The following SUMF1 variants were observed in gnomAD, a reference collection of about 807,000 sequenced individuals.
The protein encoded by SUMF1 is sulfatase modifying factor 1, also known as formylglycine-generating enzyme.
Under a neutral mutation model 47.6 loss-of-function variants are expected in SUMF1, and 48 were observed. That is an observed-to-expected ratio of 1.01 (90% CI 0.80 to 1.28). SUMF1 has a LOEUF of 1.28. Ranked by LOEUF, SUMF1 falls within the 50% of genes most tolerant of loss-of-function variation. The probability of loss-of-function intolerance (pLI) is 0.00; values close to 1 mark genes in which losing one functional copy is unlikely to be tolerated. For synonymous variants in SUMF1, 230 were observed against 192.1 expected (o/e 1.20, Z -1.63); for missense variants, 571 against 485.4 (o/e 1.18, Z -1.66).
chr3:4,310,611 T>C lies in SUMF1; in HGVS notation c.1014+65719A>G, dbSNP rs144870207. Among the ~76,000 whole-genome samples, 92 of 152,202 alleles carry C rather than the reference T, an allele frequency of 6.0e-4. 1 individual carries two copies. The highest frequency in any genetic ancestry group is 1.2e-3 in the Non-Finnish European group (81 of 68,024). ...CTACTGTCTATAAGTCCCTGAAGGA[T>C]TATAGCTTGTGCAGCAAGTTTAATT... On this transcript the variant is annotated intron_variant and NMD_transcript_variant, in intron 8 of 12. Coordinates refer to the SUMF1 transcript ENST00000448413.
At chr3:4,148,091 C>T (rs567106892) in intron 8 of SUMF1, among the ~76,000 whole-genome samples, 10 of 152,066 alleles carry the variant, frequency 6.6e-5, no homozygotes, top group Non-Finnish European at 8.8e-5. Context: ...TCAGCATTTC[C>T]GTACATAGGT....
intron 3 of SUMF1, among the ~76,000 whole-genome samples, chr3:4,434,853 C>A (rs1702345529): frequency 6.6e-6 from 1 of 152,092 alleles, no homozygotes; most frequent in South Asian, 2.1e-4. Flanking sequence ...CCCCAGAGAC[C>A]CGATACTGGA....
intron 8 of SUMF1, among the ~76,000 whole-genome samples, chr3:4,204,091 A>G (rs947683169): frequency 6.6e-6 from 1 of 151,978 alleles, no homozygotes; most frequent in African/African-American, 2.4e-5. Flanking sequence ...GTGCCTTCAG[A>G]TGATTTCTTA....
At chr3:4,316,028 C>CA (rs147924099) in intron 8 of SUMF1, among the ~76,000 whole-genome samples, 1,378 of 122,878 alleles carry the variant, frequency 0.011, 15 homozygotes, top group African/African-American at 0.04. Flanking sequence ...GCTTGGGTGA[C>CA]AGAGCGAGAC....
At chr3:4,403,403 T>C (rs1041100774) in intron 7 of SUMF1, among the ~76,000 whole-genome samples, 1 of 152,124 alleles carries the variant, frequency 6.6e-6, no homozygotes, top group African/African-American at 2.4e-5. Flanking sequence ...TGTGTATAAT[T>C]CTGGGTGTCC....
At chr3:4,215,131 C>T (rs1037155392) in intron 8 of SUMF1, among the ~76,000 whole-genome samples, 3 of 152,096 alleles carry the variant, frequency 2.0e-5, no homozygotes, top group East Asian at 1.9e-4. Context: ...TGACGAACAT[C>T]GATGCAAAAA....
chr3:4,410,965 G>A lies in SUMF1; in HGVS notation c.854C>T (p.Pro285Leu), dbSNP rs755003170. The change falls in exon 7 of 9, where the codon CCT becomes CTT. Residue 285 changes from proline to leucine, a missense_variant. Pro to Leu is a moderately conservative substitution (Grantham distance 98, BLOSUM62 -3). Transcript: ENST00000272902. ...GTTGTATAAGCCATAACCATTGGGA[G>A]GGAAGGCATCAACCTAAAAACAAAG... ...FQGTAPVDAF[P>L]PNGYGLYNIV... is the part of the protein sequence containing the mutation. 3.1e-6 allele frequency: 5 copies of A among 1,614,008 alleles called. No homozygotes were observed. The highest frequency in any genetic ancestry group is 4.2e-6 in the Non-Finnish European group (5 of 1,179,876).
intron 8 of SUMF1, among the ~76,000 whole-genome samples, chr3:4,264,970 C>T (rs1302524724): frequency 6.6e-6 from 1 of 151,884 alleles, no homozygotes; most frequent in Non-Finnish European, 1.5e-5. Context: ...CCTATCTCTA[C>T]TAAAAATACA....
chr3:4,123,489 A>G (rs1326429718), intron 8 of SUMF1, among the ~76,000 whole-genome samples: 1 of 152,142 alleles, frequency 6.6e-6, no homozygotes, highest in Non-Finnish European at 1.5e-5. Flanking sequence ...GAAGCAAGAC[A>G]TTTGCCCTAA....
chr3:4,279,818 C>T (rs1434200823), intron 8 of SUMF1, among the ~76,000 whole-genome samples: 1 of 152,082 alleles, frequency 6.6e-6, no homozygotes, highest in Non-Finnish European at 1.5e-5. Context: ...CTAAAATTAT[C>T]AACTTTAGGA....
At chr3:4,348,641 G>C (rs895813955) in intron 8 of SUMF1, among the ~76,000 whole-genome samples, 6 of 151,692 alleles carry the variant, frequency 4.0e-5, no homozygotes, top group African/African-American at 2.4e-5. Context: ...GAGGCGGGTT[G>C]ACCACCTGAG....
chr3:4,175,229 T>C (rs1274430835), intron 8 of SUMF1, among the ~76,000 whole-genome samples: 2 of 152,156 alleles, frequency 1.3e-5, no homozygotes, highest in African/African-American at 2.4e-5. Flanking sequence ...GACTGCCTCC[T>C]CAAGTGGGCC....
chr3:4,410,467 A>T (rs1215737344), intron 7 of SUMF1, among the ~76,000 whole-genome samples: 2 of 152,198 alleles, frequency 1.3e-5, no homozygotes, highest in East Asian at 3.8e-4. Context: ...CAAAATTTCA[A>T]CCCATCAGAA....
At chr3:4,122,137 T>C (rs1340466929) in intron 8 of SUMF1, among the ~76,000 whole-genome samples, 3 of 152,102 alleles carry the variant, frequency 2.0e-5, no homozygotes, top group Non-Finnish European at 4.4e-5. Context: ...TTAGGTTGAT[T>C]CCATGTCTTT....
At chr3:4,234,092 C>T (rs927068285) in intron 8 of SUMF1, among the ~76,000 whole-genome samples, 1 of 152,056 alleles carries the variant, frequency 6.6e-6, no homozygotes, top group South Asian at 2.1e-4. Context: ...ATGCACAATG[C>T]TAACAATTGT....
chr3:4,465,831 T>A lies in SUMF1; in HGVS notation c.270+1145A>T, dbSNP rs1297140082. On this transcript the variant is annotated intron_variant, in intron 1 of 8. Coordinates refer to ENST00000272902, the MANE Select transcript of SUMF1 (RefSeq NM_182760.4). ...TAATTGTTATGTCAGAATAAACACA[T>A]AACTACTGAGGCAGGATACGGAAAT... Among the ~76,000 whole-genome samples the A allele has an allele frequency of 3.3e-5, 5 of 152,142 alleles. No individual in the cohort carries two copies. In the South Asian group the frequency reaches 8.3e-4, roughly 25 times the overall value.
chr3:4,387,713 T>C (rs1204823270), intron 7 of SUMF1, among the ~76,000 whole-genome samples: 1 of 152,024 alleles, frequency 6.6e-6, no homozygotes, highest in East Asian at 1.9e-4. Context: ...ACACATGCAG[T>C]TCTGCAAATT....
At chr3:4,148,686 T>C (rs981349039) in intron 8 of SUMF1, among the ~76,000 whole-genome samples, 2 of 152,184 alleles carry the variant, frequency 1.3e-5, no homozygotes, top group Non-Finnish European at 2.9e-5. Flanking sequence ...GTAATGGCTA[T>C]GTTCCAGTGA....
intron 9 of SUMF1, among the ~76,000 whole-genome samples, chr3:4,052,548 C>T (rs1458566998): frequency 6.6e-6 from 1 of 152,148 alleles, no homozygotes; most frequent in East Asian, 1.9e-4. Context: ...CAAACAGCTA[C>T]TGGAGAAGCA....
Sources: allele counts gnomAD v4.1 joint callset (sites outside exome capture counted in the v4.1 genomes callset), GRCh38; gene constraint gnomAD v4.1.1; transcripts MANE v1.5; gene names NCBI Gene and HGNC (gene_info 2026-07-23, HGNC 2026-07-21).